The following RPRD1A variants were observed in gnomAD, a reference collection of about 807,000 sequenced individuals.
The protein encoded by RPRD1A is regulation of nuclear pre-mRNA domain containing 1A.
In RPRD1A, 9 loss-of-function variants were observed where a neutral mutation model predicts 37.8. That is an observed-to-expected ratio of 0.24 (90% CI 0.14 to 0.42). The LOEUF (loss-of-function observed/expected upper bound fraction) is 0.42. Among genes scored for constraint, RPRD1A ranks in the 10% least tolerant of loss-of-function variants. The pLI is 1.00. For missense variants in RPRD1A, 255 were observed against 371.0 expected, an observed-to-expected ratio of 0.69 and a Z score of 2.57; for synonymous variants, 138 against 139.7, an observed-to-expected ratio of 0.99 and a Z score of 0.08.
chr18:36,067,108 T>G, intron 1 of RPRD1A, 146 bp downstream of exon 1: 1 of 735,966 alleles, frequency 1.4e-6, no homozygotes, highest in Non-Finnish European at 2.2e-6. Context: ...AGAAGCGTGG[T>G]GCACGCAGCT....
chr18:36,041,034 T>A (rs1212821126), intron 1 of RPRD1A, among the ~76,000 whole-genome samples: 1 of 152,202 alleles, frequency 6.6e-6, no homozygotes, highest in Non-Finnish European at 1.5e-5. Flanking sequence ...TAAGTATTCT[T>A]GAAGTTGAGT....
intron 6 of RPRD1A, among the ~76,000 whole-genome samples, chr18:36,013,367 G>A (rs1388194370): frequency 6.6e-6 from 1 of 152,080 alleles, no homozygotes. Context: ...AACAAAAGAT[G>A]AGCAGCGTGA....
intron 6 of RPRD1A, among the ~76,000 whole-genome samples, chr18:36,000,714 G>C (rs1204777612): frequency 6.6e-6 from 1 of 152,140 alleles, no homozygotes; most frequent in African/African-American, 2.4e-5. Flanking sequence ...TTCACTGGTA[G>C]AGATTATTAC....
chr18:35,994,875 G>C (rs949589779), intron 6 of RPRD1A, among the ~76,000 whole-genome samples: 1 of 152,076 alleles, frequency 6.6e-6, no homozygotes, highest in African/African-American at 2.4e-5. Context: ...TGTGGTTTTA[G>C]TAAAAATATA....
chr18:36,051,605 T>C (rs931010218), intron 1 of RPRD1A, among the ~76,000 whole-genome samples: 2 of 149,398 alleles, frequency 1.3e-5, no homozygotes. Context: ...ATTCAACACA[T>C]AGTTATTGTG....
chr18:36,009,155 CTTTACTTAA>C (rs1568118611), intron 6 of RPRD1A, among the ~76,000 whole-genome samples: 1 of 152,100 alleles, frequency 6.6e-6, no homozygotes, highest in Non-Finnish European at 1.5e-5. Context: ...GTTCAACCAC[CTTTACTTAA>C]AGTACAGACT....
chr18:36,000,144 G>A (rs1314736784), intron 6 of RPRD1A, among the ~76,000 whole-genome samples: 1 of 152,044 alleles, frequency 6.6e-6, no homozygotes. Flanking sequence ...ATCCCCAGGG[G>A]ACAGACTGCA....
At chr18:36,056,681 G>A in intron 1 of RPRD1A, among the ~76,000 whole-genome samples, 1 of 151,864 alleles carries the variant, frequency 6.6e-6, no homozygotes, top group East Asian at 1.9e-4. Context: ...TTCAACGTAA[G>A]TATGGTAAAC....
intron 6 of RPRD1A, chr18:36,025,811 C>A: frequency 3.2e-6 from 1 of 313,456 alleles, no homozygotes; most frequent in South Asian, 3.1e-5. Context: ...GAGGTTTCAT[C>A]ACAAGGTGAA....
At chr18:36,042,203 A>G (rs1413494155) in intron 1 of RPRD1A, among the ~76,000 whole-genome samples, 4 of 152,172 alleles carry the variant, frequency 2.6e-5, no homozygotes, top group African/African-American at 7.2e-5. Flanking sequence ...TTCCCTGACC[A>G]ACGAGCCCAC....
Position 36,030,827 on chromosome 18 carries a change from G to T in RPRD1A, c.467C>A (p.Ser156Tyr). 6.2e-7 allele frequency: 1 copy of T among 1,610,964 alleles called. No homozygotes were observed. The highest frequency in any genetic ancestry group is 2.2e-5 in the East Asian group (1 of 44,770). The change falls in exon 4 of 7, where the codon TCT (serine) becomes TAT (tyrosine). Residue 156 changes from serine to tyrosine, a missense_variant. Coordinates refer to ENST00000399022, the MANE Select transcript of RPRD1A (RefSeq NM_018170.5). ...DENENCSSLG[S>Y]PSEPPQTLDL... ...TTCTACCTGTGGTGGTTCACTTGGA[G>T]ATCCCAGAGAGGAACAGTTTTCATT...
chr18:36,066,709 C>A (rs1480504252), intron 1 of RPRD1A, among the ~76,000 whole-genome samples: 1 of 152,218 alleles, frequency 6.6e-6, no homozygotes, highest in Non-Finnish European at 1.5e-5. Flanking sequence ...GCATCTGCAA[C>A]GCAGAAGTTA....
intron 2 of RPRD1A, among the ~76,000 whole-genome samples, chr18:36,031,794 A>C (rs904204924): frequency 6.6e-6 from 1 of 152,186 alleles, no homozygotes; most frequent in Non-Finnish European, 1.5e-5. Flanking sequence ...CTAATAATGT[A>C]AATCAGATTA....
At chr18:36,033,661 T>A (rs749506360) in intron 2 of RPRD1A, 47 bp downstream of exon 2, 1 of 1,516,772 alleles carries the variant, frequency 6.6e-7, no homozygotes, top group African/African-American at 1.4e-5. Context: ...AAAGGACATA[T>A]GGTACATTTA....
intron 6 of RPRD1A, among the ~76,000 whole-genome samples, chr18:35,993,502 C>T (rs1908837019): frequency 6.6e-6 from 1 of 152,234 alleles, no homozygotes; most frequent in Non-Finnish European, 1.5e-5. Flanking sequence ...AAACCACAAT[C>T]TTTAGCTGTT....
rs1911725334 is a variant in RPRD1A, at chr18:36,030,838, G to T, written c.456C>A (p.Ser152=). 11 of 1,612,718 alleles carry T rather than the reference G, an allele frequency of 6.8e-6. No homozygotes were observed. The highest frequency in any genetic ancestry group is 1.1e-5 in the South Asian group (1 of 91,004). Reference sequence around the variant, plus strand: ...GTGGTTCACTTGGAGATCCCAGAGAGGAACAGTTTTCATTTTCATCCACCT... The same window carrying T: ...GTGGTTCACTTGGAGATCCCAGAGATGAACAGTTTTCATTTTCATCCACCT... The part of the protein sequence containing the change: ...QIKVDENENC[S]SLGSPSEPPQ... The change falls in exon 4 of 7, where the codon TCC becomes TCA. Residue 152 remains serine, a synonymous_variant. Coordinates refer to ENST00000399022, the MANE Select transcript of RPRD1A (RefSeq NM_018170.5).
chr18:36,061,734 T>C (rs1391686272), intron 1 of RPRD1A, among the ~76,000 whole-genome samples: 2 of 152,214 alleles, frequency 1.3e-5, no homozygotes, highest in African/African-American at 4.8e-5. Context: ...AAAATATTTG[T>C]GGTATGAATC....
chr18:36,056,423 G>C (rs1178230819), intron 1 of RPRD1A, among the ~76,000 whole-genome samples: 1 of 152,024 alleles, frequency 6.6e-6, no homozygotes, highest in Non-Finnish European at 1.5e-5. Context: ...AAGTAGCTGG[G>C]ATTACAGGTG....
intron 1 of RPRD1A, among the ~76,000 whole-genome samples, chr18:36,065,556 A>C (rs143744771): frequency 2.8e-4 from 42 of 152,350 alleles, no homozygotes; most frequent in African/African-American, 1.0e-3. Context: ...TGCAATAAAC[A>C]ATTCTTGAGA....
Sources: gnomAD v4.1 joint callset for allele counts (sites outside exome capture counted in the v4.1 genomes callset) on GRCh38, gnomAD v4.1.1 for gene constraint, MANE v1.5 for transcripts, NCBI Gene and HGNC (gene_info 2026-07-23, HGNC 2026-07-21) for gene names.